Variants in DIAPH2 observed in about 807,000 individuals in gnomAD.
DIAPH2 encodes protein diaphanous homolog 2.
A neutral mutation model predicts 92.7 loss-of-function variants in DIAPH2; 35 were observed. The observed-to-expected ratio is 0.38, with a 90% CI of 0.29 to 0.50. The LOEUF (loss-of-function observed/expected upper bound fraction) is 0.50, where lower values mean the gene tolerates loss of function less well. Ranked by LOEUF, DIAPH2 falls within the 20% of genes least tolerant of loss-of-function variation. DIAPH2 has a pLI of 0.94. For synonymous variants in DIAPH2, 301 were observed against 280.4 expected, an observed-to-expected ratio of 1.07 and a Z score of -0.73; for missense variants, 701 against 819.5, an observed-to-expected ratio of 0.86 and a Z score of 1.77.
chrX:97,429,615 C>A, intron 25 of DIAPH2, 35 bp from the exon 26 acceptor site: 1 of 1,188,903 alleles, frequency 8.4e-7, no homozygotes, highest in Non-Finnish European at 1.1e-6. Context: ...ACTTTAATTG[C>A]TCCAAGATTA....
At chrX:97,095,077 T>C (rs1370239866) in intron 19 of DIAPH2, among the ~76,000 whole-genome samples, 2 of 100,965 alleles carry the variant, frequency 2.0e-5, no homozygotes, top group Non-Finnish European at 4.0e-5. Flanking sequence ...CCAAGGGACT[T>C]TTAGGGAAAT....
intron 17 of DIAPH2, among the ~76,000 whole-genome samples, chrX:97,044,304 C>G (rs970657638): frequency 1.1e-4 from 12 of 110,929 alleles, no homozygotes; most frequent in African/African-American, 3.3e-4. Flanking sequence ...TATCAGGTAT[C>G]TTTTTTTCTT....
rs186486254 is a variant in DIAPH2 at position 97,194,367 on chromosome X, C to T, written c.2719+52573C>T. The stretch of plus-strand genomic sequence containing the variant: ...CGTGATCTTGGCTCACTGCACGCTC[C>T]GCCTCCCGGGTTCAAGCCATTCTCC... On this transcript the variant is annotated intron_variant, in intron 22 of 26. Coordinates refer to ENST00000324765, the MANE Select transcript of DIAPH2 (RefSeq NM_006729.5). 7.4e-3 allele frequency among the ~76,000 whole-genome samples: 795 copies of T among 107,456 alleles called. 15 individuals carry two copies. The highest frequency in any genetic ancestry group is 0.025 in the African/African-American group (734 of 29,548). The allele number at this position is 107,456 out of a possible 115,157, so 93.3% of individuals were successfully genotyped here.
chrX:97,073,048 T>G lies in DIAPH2; in HGVS notation c.2152+6T>G. On this transcript the variant is annotated splice_donor_region_variant and intron_variant, in intron 18 of 26. Transcript: ENST00000324765. ...CAAAACAGCTCAGAATCTGTGTATG[T>G]AATATTTTCTTCGTAGGATTGGTAT... 1 of 1,140,534 alleles carries G rather than the reference T, an allele frequency of 8.8e-7. No homozygotes were observed. The highest frequency in any genetic ancestry group is 2.4e-5 in the Admixed American group (1 of 42,445). 94.0% of individuals were successfully genotyped at this position (1,140,534 alleles called of 1,213,427 possible).
chrX:97,474,032 T>A, intron 26 of DIAPH2, among the ~76,000 whole-genome samples: 1 of 112,688 alleles, frequency 8.9e-6, no homozygotes, highest in Non-Finnish European at 1.9e-5. Flanking sequence ...TAAAGTTTTT[T>A]GCAACATTGC....
chrX:97,206,836 A>C (rs2067800695), intron 22 of DIAPH2, among the ~76,000 whole-genome samples: 1 of 111,753 alleles, frequency 8.9e-6, no homozygotes, highest in Admixed American at 9.6e-5. Flanking sequence ...AGGAACACTC[A>C]GGCGTATATA....
At chrX:97,115,048 T>A in intron 21 of DIAPH2, 83 bp downstream of exon 21, 1 of 924,189 alleles carries the variant, frequency 1.1e-6, no homozygotes, top group Non-Finnish European at 1.5e-6. Context: ...CAATCGTACA[T>A]AAACCACAAA....
chrX:97,356,247 T>C lies in DIAPH2; in HGVS notation c.3009+7967T>C, dbSNP rs559192947. 7.3e-4 allele frequency among the ~76,000 whole-genome samples: 82 copies of C among 111,631 alleles called. 1 individual carries two copies. In the South Asian group the frequency reaches 0.019, roughly 27 times the overall value. On this transcript the variant is annotated intron_variant, in intron 24 of 26. Coordinates refer to ENST00000324765, the MANE Select transcript of DIAPH2 (RefSeq NM_006729.5). ...AATCCTAAAATCTTAAGCCCCTCCATTGCCCTCCTTCTCCCCTTTTGTTCA... is the reference window on the plus strand; with the variant it reads ...AATCCTAAAATCTTAAGCCCCTCCACTGCCCTCCTTCTCCCCTTTTGTTCA...
intron 17 of DIAPH2, among the ~76,000 whole-genome samples, chrX:97,065,309 A>G (rs1175562067): frequency 8.9e-6 from 1 of 111,898 alleles, no homozygotes; most frequent in African/African-American, 3.2e-5. Flanking sequence ...AAGGTAATTC[A>G]TATAGGTTAA....
intron 23 of DIAPH2, among the ~76,000 whole-genome samples, chrX:97,256,291 A>T (rs2147562027): frequency 8.9e-6 from 1 of 112,608 alleles, no homozygotes; most frequent in Non-Finnish European, 1.9e-5. Flanking sequence ...CGTAGATGTA[A>T]AGCCATTTTG....
At chrX:96,998,498 A>G (rs1307046288) in intron 17 of DIAPH2, among the ~76,000 whole-genome samples, 1 of 111,969 alleles carries the variant, frequency 8.9e-6, no homozygotes, top group Non-Finnish European at 1.9e-5. Flanking sequence ...GATTCTTTTC[A>G]TATTATTAAA....
At chrX:96,982,202 C>T (rs1024905522) in intron 17 of DIAPH2, among the ~76,000 whole-genome samples, 1 of 111,922 alleles carries the variant, frequency 8.9e-6, no homozygotes, top group African/African-American at 3.2e-5. Context: ...ATTCTGATTT[C>T]CCCCTGCTTC....
intron 20 of DIAPH2, among the ~76,000 whole-genome samples, chrX:97,105,192 A>G (rs2095020219): frequency 8.9e-6 from 1 of 112,002 alleles, no homozygotes; most frequent in African/African-American, 3.2e-5. Flanking sequence ...AAATTGTGAA[A>G]GAAAGAAACT....
chrX:96,945,641 C>T (rs767971620), intron 14 of DIAPH2, 50 bp downstream of exon 14: 3 of 845,419 alleles, frequency 3.5e-6, no homozygotes, highest in Non-Finnish European at 4.9e-6. Context: ...AATTTAATCA[C>T]AGTAATACTC....
chrX:97,238,352 A>C (rs1400661773), intron 22 of DIAPH2, among the ~76,000 whole-genome samples: 2 of 112,039 alleles, frequency 1.8e-5, no homozygotes, highest in Admixed American at 9.5e-5. Flanking sequence ...AAATCATAGA[A>C]TGCAGCTTTC....
intron 13 of DIAPH2, among the ~76,000 whole-genome samples, 176 bp from the exon 14 acceptor site, chrX:96,945,351 A>G (rs1037848042): frequency 1.8e-5 from 2 of 111,861 alleles, no homozygotes; most frequent in Non-Finnish European, 3.8e-5. Flanking sequence ...TTCAGTTTGT[A>G]TGCTAAAGAA....
At chrX:96,945,385 A>T in intron 13 of DIAPH2, 142 bp from the exon 14 acceptor site, 2 of 393,531 alleles carry the variant, frequency 5.1e-6, no homozygotes, top group Non-Finnish European at 8.9e-6. Context: ...TTTATGTTTT[A>T]TGTATAGTAT....
chrX:97,310,560 G>T (rs1569358570), intron 23 of DIAPH2, among the ~76,000 whole-genome samples: 1 of 110,990 alleles, frequency 9.0e-6, no homozygotes, highest in Admixed American at 9.7e-5. Context: ...CAAATGCAAA[G>T]ACCCTGAGGC....
At chrX:97,389,491 C>G (rs1246665294) in intron 25 of DIAPH2, among the ~76,000 whole-genome samples, 1 of 106,118 alleles carries the variant, frequency 9.4e-6, no homozygotes, top group East Asian at 2.9e-4. Flanking sequence ...AAAAAAGGAG[C>G]CTATCCAGTT....
Sources: gnomAD v4.1 joint callset for allele counts (sites outside exome capture counted in the v4.1 genomes callset) on GRCh38, gnomAD v4.1.1 for gene constraint, MANE v1.5 for transcripts, NCBI Gene and HGNC (gene_info 2026-07-23, HGNC 2026-07-21) for gene names.